ZSCAN22: variants seen among roughly 807,000 people sequenced by gnomAD.
ZSCAN22 encodes zinc finger and SCAN domain containing 22.
Under a neutral mutation model 12.4 loss-of-function variants are expected in ZSCAN22, and 7 were observed. That is an observed-to-expected ratio of 0.57 (90% confidence interval 0.32 to 1.06). The LOEUF is 1.06. ZSCAN22 is among the 50% of genes least tolerant of loss of function. The pLI is 0.04. For synonymous variants in ZSCAN22, 243 were observed against 255.9 expected, an observed-to-expected ratio of 0.95 and a Z score of 0.48; for missense variants, 576 against 631.7, an observed-to-expected ratio of 0.91 and a Z score of 0.94.
Position 58,335,094 on chromosome 19 carries a change from C to T in ZSCAN22, c.292C>T (p.Leu98=). The T allele has an allele frequency of 1.9e-6, 3 of 1,614,128 alleles. No individual in the cohort carries two copies. The highest frequency in any genetic ancestry group is 2.5e-6 in the Non-Finnish European group (3 of 1,180,032). The change falls in exon 2 of 3, where the codon CTG becomes TTG. Residue 98 remains leucine, a synonymous_variant. Coordinates refer to ENST00000329665, the MANE Select transcript of ZSCAN22 (RefSeq NM_181846.3). The surrounding 1 kb of genome is among the most constrained non-coding windows in gnomAD (Gnocchi z 4.1). The part of the protein sequence containing the change: ...ILELLVLEQF[L]GALPPEIQAW... ...GGAGCTGCTGGTGCTGGAGCAGTTC[C>T]TGGGTGCGCTGCCCCCAGAGATCCA...
intron 2 of ZSCAN22, among the ~76,000 whole-genome samples, chr19:58,336,775 G>C (rs1221090495): frequency 6.6e-6 from 1 of 152,230 alleles, no homozygotes; most frequent in Non-Finnish European, 1.5e-5. Context: ...CTGTGCTTGG[G>C]GCCCAGCACG....
rs755296255 is a variant in ZSCAN22 at position 58,338,201 on chromosome 19, A to G, written c.404-53A>G. On this transcript the variant is annotated intron_variant, in intron 2 of 2. Coordinates refer to ENST00000329665, the MANE Select transcript of ZSCAN22 (RefSeq NM_181846.3). The surrounding 1 kb of genome is among the most constrained non-coding windows in gnomAD (Gnocchi z 5.4). ...GTGTGACCGGGGCCCTCGGCAGAGT[A>G]GGGGAGGCTTGGTGTGGTAGGAGGA... 105 of 1,499,140 alleles carry G rather than the reference A, an allele frequency of 7.0e-5. No homozygotes were observed. The highest frequency in any genetic ancestry group is 8.9e-5 in the Non-Finnish European group (98 of 1,104,390). 92.9% of individuals were successfully genotyped at this position (1,499,140 alleles called of 1,614,324 possible).
At chr19:58,327,691 G>T (rs573687350) in intron 1 of ZSCAN22, among the ~76,000 whole-genome samples, 1 of 152,284 alleles carries the variant, frequency 6.6e-6, no homozygotes, top group Admixed American at 6.5e-5. Context: ...GATGGTTGCC[G>T]TTTGAGACTT....
Position 58,338,014 on chromosome 19 carries a change from T to C in ZSCAN22, c.404-240T>C, listed in dbSNP as rs532282951. ...AGCCAAAATTGGGAGCCTTGAAAGATGGCGAGTTTGGTGGGAGGAGGAGAA... is the reference window on the plus strand; with the variant it reads ...AGCCAAAATTGGGAGCCTTGAAAGACGGCGAGTTTGGTGGGAGGAGGAGAA... On this transcript the variant is annotated intron_variant, in intron 2 of 2. Transcript: ENST00000329665. This position sits in a 1 kb window ranked among gnomAD's most constrained non-coding sequence, Gnocchi z 5.4. 6.6e-6 allele frequency among the ~76,000 whole-genome samples: 1 copy of C among 152,356 alleles called. No homozygotes were observed. Among genetic ancestry groups the C allele is most frequent in the East Asian group, 1.9e-4 (1 of 5,188 alleles).
intron 2 of ZSCAN22, among the ~76,000 whole-genome samples, chr19:58,337,305 G>A (rs1263227513): frequency 1.3e-5 from 2 of 152,030 alleles, no homozygotes; most frequent in Non-Finnish European, 2.9e-5. Flanking sequence ...GGTGTTGAGT[G>A]TGAGGGACAG....
chr19:58,331,866 G>A (rs2051730819), intron 1 of ZSCAN22, among the ~76,000 whole-genome samples: 1 of 146,690 alleles, frequency 6.8e-6, no homozygotes, highest in Admixed American at 6.8e-5. Flanking sequence ...TTTAAAAGCT[G>A]TATTTTTATT....
chr19:58,328,545 T>C (rs1487377338), intron 1 of ZSCAN22, among the ~76,000 whole-genome samples: 1 of 152,176 alleles, frequency 6.6e-6, no homozygotes, highest in Non-Finnish European at 1.5e-5. Flanking sequence ...CTGAGGTAGG[T>C]ACCATTATCA....
In ZSCAN22 at chr19:58,339,924, A is replaced by C. The variant is rs1377864804; in HGVS notation, c.*598A>C. On this transcript the variant is annotated 3_prime_UTR_variant, in exon 3 of 3. Transcript: ENST00000329665. The surrounding 1 kb of genome is among the most constrained non-coding windows in gnomAD (Gnocchi z 5.6). ...GTCGTAATCAGTGGTGCTGCTTGAC[A>C]CCTGCCCAGCATGTTCCTGTCTCTC... 1 of 153,206 alleles carries C rather than the reference A, an allele frequency of 6.5e-6. No individual in the cohort carries two copies. The highest frequency in any genetic ancestry group is 6.5e-5 in the Admixed American group (1 of 15,336). The allele number at this position is 153,206 out of a possible 1,614,324, so 9.5% of individuals were successfully genotyped here. A position where few individuals can be genotyped will look rare whatever the true frequency, so the allele number is the denominator to read the frequency against.
chr19:58,330,246 C>T (rs953630033), intron 1 of ZSCAN22, among the ~76,000 whole-genome samples: 4 of 152,194 alleles, frequency 2.6e-5, no homozygotes, highest in South Asian at 2.1e-4. Context: ...GCCAAGATTG[C>T]GCCACTGCAC....
chr19:58,339,217 G>A lies in ZSCAN22; in HGVS notation c.1367G>A (p.Arg456Lys). ...AGCTCCTCCCTCATTGAGCACCAGA[G>A]GATCCACACGGGAGAGAAGCCTTAT... is the stretch of plus-strand genomic sequence containing the variant. ...AQSSSLIEHQ[R>K]IHTGEKPYKC... Residue 456 changes from arginine (R) to lysine (K), a missense_variant, in exon 3 of 3, where the codon AGG becomes AAG. Physicochemically the swap from Arg to Lys is conservative, Grantham distance 26. Coordinates refer to ENST00000329665, the MANE Select transcript of ZSCAN22 (RefSeq NM_181846.3). The surrounding 1 kb of genome is among the most constrained non-coding windows in gnomAD (Gnocchi z 5.6). 6.2e-7 allele frequency: 1 copy of A among 1,613,464 alleles called. No homozygotes were observed. Among genetic ancestry groups the A allele is most frequent in the Non-Finnish European group, 8.5e-7 (1 of 1,179,850 alleles).
In ZSCAN22 at chr19:58,339,311, C is replaced by T. The variant is rs1176220339; in HGVS notation, c.1461C>T (p.Ile487=). 6.2e-7 allele frequency: 1 copy of T among 1,608,866 alleles called. No homozygotes were observed. The highest frequency in any genetic ancestry group is 1.7e-5 in the Admixed American group (1 of 59,814). ...TGATGGTTCACTTGCGGATCCACAT[C>T]ACGGTGCTGCAATGACCGGAAGTCG... ...SALMVHLRIH[I]TVLQ is the part of the protein sequence containing the mutation. The change falls in exon 3 of 3, where the codon ATC becomes ATT. Residue 487 remains isoleucine (I), a synonymous_variant. Coordinates refer to ENST00000329665, the MANE Select transcript of ZSCAN22 (RefSeq NM_181846.3). This position sits in a 1 kb window ranked among gnomAD's most constrained non-coding sequence, Gnocchi z 5.6.
intron 1 of ZSCAN22, among the ~76,000 whole-genome samples, chr19:58,327,604 T>C (rs2051669793): frequency 6.6e-6 from 1 of 152,114 alleles, no homozygotes; most frequent in African/African-American, 2.4e-5. Flanking sequence ...CTCTTGGGTG[T>C]GTGTATCTGA....
chr19:58,337,881 T>C (rs561268445), intron 2 of ZSCAN22, among the ~76,000 whole-genome samples: 1 of 152,298 alleles, frequency 6.6e-6, no homozygotes, highest in South Asian at 2.1e-4. Context: ...CCCACAGAGA[T>C]CAGAGCCTGC....
rs1216094324 is a variant in ZSCAN22, at chr19:58,338,597, T to C, written c.747T>C (p.Asp249=). The change falls in exon 3 of 3, where the codon GAT becomes GAC. Residue 249 remains aspartate (D), a synonymous_variant. Coordinates refer to ENST00000329665, the MANE Select transcript of ZSCAN22 (RefSeq NM_181846.3). The surrounding 1 kb of genome is among the most constrained non-coding windows in gnomAD (Gnocchi z 5.4). Reference sequence around the variant, plus strand: ...AGCCTCCTTCAGAAGACAAATTTGATCTGGTGGATGCTTATGGGACAGAGC... The same window carrying C: ...AGCCTCCTTCAGAAGACAAATTTGACCTGGTGGATGCTTATGGGACAGAGC... The part of the protein sequence containing the change: ...QEKPPSEDKF[D]LVDAYGTEPP... 1.2e-6 allele frequency: 2 copies of C among 1,614,206 alleles called. No individual in the cohort carries two copies. Among genetic ancestry groups the C allele is most frequent in the Non-Finnish European group, 8.5e-7 (1 of 1,180,042 alleles).
intron 1 of ZSCAN22, among the ~76,000 whole-genome samples, chr19:58,330,331 T>C (rs2051708652): frequency 6.6e-6 from 1 of 152,174 alleles, no homozygotes; most frequent in Non-Finnish European, 1.5e-5. Context: ...ATTATCTCCC[T>C]CTGAATGTCG....
rs994953790 is a variant in ZSCAN22, at chr19:58,329,507, A to C, written c.-52+2393A>C. Reference sequence around the variant, plus strand: ...GTCGAGGTCTCCTAGGAGAGGTTACACTTAATTTAGGGTATTCTTCCTGAC... The same window carrying C: ...GTCGAGGTCTCCTAGGAGAGGTTACCCTTAATTTAGGGTATTCTTCCTGAC... On this transcript the variant is annotated intron_variant, in intron 1 of 2. Coordinates refer to ENST00000329665, the MANE Select transcript of ZSCAN22 (RefSeq NM_181846.3). This position sits in a 1 kb window ranked among gnomAD's most constrained non-coding sequence, Gnocchi z 4.1. 6.6e-6 allele frequency among the ~76,000 whole-genome samples: 1 copy of C among 152,238 alleles called. No homozygotes were observed. The highest frequency in any genetic ancestry group is 2.1e-4 in the South Asian group (1 of 4,836).
In ZSCAN22 at chr19:58,338,557, T is replaced by C; in HGVS notation, c.707T>C (p.Leu236Pro). 6.2e-7 allele frequency: 1 copy of C among 1,614,172 alleles called. No individual in the cohort carries two copies. The highest frequency in any genetic ancestry group is 8.5e-7 in the Non-Finnish European group (1 of 1,180,032). Residue 236 changes from leucine (L) to proline (P), a missense_variant, in exon 3 of 3, where the codon CTC becomes CCC. Transcript: ENST00000329665. The surrounding 1 kb of genome is among the most constrained non-coding windows in gnomAD (Gnocchi z 5.4). ...AACAGTTCTAGTGCGTGGCCAAACC[T>C]CACCTCCCAAGAGAAGCCTCCTTCA... is the stretch of plus-strand genomic sequence containing the variant. ...SRNSSSAWPN[L>P]TSQEKPPSED...
chr19:58,328,849 A>C (rs1241875515), intron 1 of ZSCAN22, among the ~76,000 whole-genome samples: 1 of 152,052 alleles, frequency 6.6e-6, no homozygotes, highest in East Asian at 1.9e-4. Context: ...CTCAGCCTTT[A>C]CTGGTCATTC....
At position 58,335,134 on chromosome 19, in the gene ZSCAN22, C is replaced by A. The variant is rs907282462; in HGVS notation, c.332C>A (p.Ala111Asp). The A allele has an allele frequency of 6.2e-7, 1 of 1,613,782 alleles. No individual in the cohort carries two copies. The highest frequency in any genetic ancestry group is 2.2e-5 in the East Asian group (1 of 44,846). Residue 111 changes from alanine to aspartate, a missense_variant, in exon 2 of 3, where the codon GCC becomes GAC. Physicochemically the swap from Ala to Asp is moderately radical, Grantham distance 126. Coordinates refer to ENST00000329665, the MANE Select transcript of ZSCAN22 (RefSeq NM_181846.3). The surrounding 1 kb of genome is among the most constrained non-coding windows in gnomAD (Gnocchi z 4.1). ...CCAGAGATCCAAGCCTGGGTGGGAG[C>A]CCAGAGTCCCAAGAGCGGAGAGGAA... ...LPPEIQAWVG[A>D]QSPKSGEEAA...
Sources: gnomAD v4.1 joint callset for allele counts (sites outside exome capture counted in the v4.1 genomes callset) on GRCh38, gnomAD v4.1.1 for gene constraint, Gnocchi (gnomAD v3.1) non-coding constraint, MANE v1.5 for transcripts, NCBI Gene and HGNC (gene_info 2026-07-23, HGNC 2026-07-21) for gene names.